TACC2: variants seen among roughly 807,000 people sequenced by gnomAD.
The protein encoded by TACC2 is transforming acidic coiled-coil-containing protein 2.
TACC2 carries 137 observed loss-of-function variants against 227.3 expected under a neutral mutation model. The ratio of observed to expected loss-of-function variants is 0.60; its 90% confidence interval spans 0.52 to 0.69. The LOEUF is 0.69. Ranked by LOEUF, TACC2 falls within the 30% of genes least tolerant of loss-of-function variation. The pLI is 0.00. For synonymous variants in TACC2, 1,523 were observed against 1,487.5 expected, an observed-to-expected ratio of 1.02 and a Z score of -0.55; for missense variants, 3,470 against 3,694.4, an observed-to-expected ratio of 0.94 and a Z score of 1.57.
chr10:122,018,277 C>T (rs1230825837), intron 1 of TACC2, among the ~76,000 whole-genome samples: 1 of 152,150 alleles, frequency 6.6e-6, no homozygotes, highest in African/African-American at 2.4e-5. Context: ...CCAGCTTCAT[C>T]CATGTCCCTG....
intron 8 of TACC2, among the ~76,000 whole-genome samples, chr10:122,195,530 T>G (rs1444973664): frequency 2.0e-5 from 3 of 152,154 alleles, no homozygotes; most frequent in African/African-American, 4.8e-5. Flanking sequence ...CATGTGTATT[T>G]CCAGCACTAG....
At chr10:122,163,470 G>T (rs893061647) in intron 7 of TACC2, 1 of 692,962 alleles carries the variant, frequency 1.4e-6, no homozygotes, top group Non-Finnish European at 1.8e-6. Context: ...CAGAGGGAGG[G>T]TCTTCGCCTC....
rs561422379 is a variant in TACC2 at position 122,134,320 on chromosome 10, C to T, written c.5699+1586C>T. Among the ~76,000 whole-genome samples the T allele has an allele frequency of 1.7e-3, 260 of 151,916 alleles. 1 individual carries two copies. The highest frequency in any genetic ancestry group is 2.7e-3 in the Non-Finnish European group (185 of 67,948). ...CCGAGAAGCTGGAATTACAGGCGTG[C>T]GCCACCATGCCCACCTAATTTTCTT... On this transcript the variant is annotated intron_variant, in intron 6 of 22. Coordinates refer to ENST00000369005, the MANE Select transcript of TACC2 (RefSeq NM_206862.4).
chr10:122,090,456 A>T (rs1382899471), intron 5 of TACC2, among the ~76,000 whole-genome samples: 4 of 148,398 alleles, frequency 2.7e-5, no homozygotes, highest in African/African-American at 9.8e-5. Flanking sequence ...CTGAGGCAGG[A>T]GAATGGCGTG....
intron 16 of TACC2, among the ~76,000 whole-genome samples, chr10:122,232,714 G>A (rs369712419): frequency 6.6e-6 from 1 of 152,202 alleles, no homozygotes; most frequent in South Asian, 2.1e-4. Flanking sequence ...TACCCAGCCC[G>A]AGGGTGGTCC....
chr10:122,109,515 A>G (rs1177846953), intron 5 of TACC2, among the ~76,000 whole-genome samples: 1 of 152,116 alleles, frequency 6.6e-6, no homozygotes. Context: ...GTTGTCTCCT[A>G]TTGATATTTT....
At chr10:122,226,761 A>T (rs1410593229) in intron 13 of TACC2, among the ~76,000 whole-genome samples, 1 of 152,146 alleles carries the variant, frequency 6.6e-6, no homozygotes, top group Non-Finnish European at 1.5e-5. Flanking sequence ...AGTCTCTCTG[A>T]ATGTCCACAG....
intron 7 of TACC2, among the ~76,000 whole-genome samples, chr10:122,190,365 T>C (rs752351584): frequency 1.5e-4 from 23 of 152,190 alleles, no homozygotes; most frequent in South Asian, 2.1e-4. Flanking sequence ...TAATTCAGCA[T>C]TGTGTGGAGC....
chr10:122,229,841 A>T (rs558677227), intron 15 of TACC2, among the ~76,000 whole-genome samples: 2 of 152,316 alleles, frequency 1.3e-5, no homozygotes, highest in African/African-American at 4.8e-5. Flanking sequence ...ATACGTGGCT[A>T]TCTCAGACTC....
chr10:122,055,778 G>T (rs1357838977), intron 3 of TACC2, among the ~76,000 whole-genome samples: 1 of 152,228 alleles, frequency 6.6e-6, no homozygotes, highest in Non-Finnish European at 1.5e-5. Flanking sequence ...GGGAATTTTG[G>T]TATTACGATG....
intron 9 of TACC2, among the ~76,000 whole-genome samples, chr10:122,214,236 G>A (rs1336253778): frequency 1.3e-5 from 2 of 152,116 alleles, no homozygotes; most frequent in Non-Finnish European, 2.9e-5. Context: ...GAGCCACTTA[G>A]CAACTATAAA....
chr10:122,152,634 G>C (rs78406737), intron 7 of TACC2, among the ~76,000 whole-genome samples: 2,160 of 152,296 alleles, frequency 0.014, 55 homozygotes, highest in African/African-American at 0.048. Context: ...CCAAGAGGAG[G>C]CAGCTTGTCC....
intron 3 of TACC2, chr10:122,052,486 C>T (rs1392482256): frequency 6.6e-6 from 1 of 152,106 alleles, no homozygotes; most frequent in African/African-American, 2.4e-5. Context: ...AGATCCAGAC[C>T]ACCCTGGCCA....
chr10:122,222,325 A>AT (rs975252128), intron 11 of TACC2, among the ~76,000 whole-genome samples: 18 of 152,034 alleles, frequency 1.2e-4, no homozygotes, highest in African/African-American at 3.9e-4. Flanking sequence ...GGAAGTATTT[A>AT]TTTTTTTTAC....
intron 7 of TACC2, among the ~76,000 whole-genome samples, chr10:122,170,602 A>G (rs1369647774): frequency 6.6e-6 from 1 of 152,176 alleles, no homozygotes; most frequent in Non-Finnish European, 1.5e-5. Flanking sequence ...GTGCCTGACC[A>G]TGATAATCAA....
intron 11 of TACC2, among the ~76,000 whole-genome samples, chr10:122,223,815 G>A (rs1165966430): frequency 6.6e-6 from 1 of 152,142 alleles, no homozygotes; most frequent in Non-Finnish European, 1.5e-5. Flanking sequence ...TTTCACAGTG[G>A]GTTTCTGAGC....
In TACC2 at chr10:122,014,383, G is replaced by A. The variant is rs187456438; in HGVS notation, c.-45-7554G>A. ...TGCCACCATGCCCAGCTAATTTTTT[G>A]TATTTTTAGTAGAGATGGCATTTCA... On this transcript the variant is annotated intron_variant, in intron 1 of 22. Transcript: ENST00000369005. Among the ~76,000 whole-genome samples the A allele has an allele frequency of 3.9e-3, 600 of 152,110 alleles. 3 individuals carry two copies. Among genetic ancestry groups the A allele is most frequent in the Non-Finnish European group, 6.7e-3 (458 of 67,972 alleles).
chr10:122,050,498 A>G lies in TACC2; in HGVS notation c.94A>G (p.Lys32Glu), dbSNP rs759087516. The change falls in exon 3 of 23, where the codon AAA becomes GAA. Residue 32 changes from lysine to glutamate, a missense_variant. Coordinates refer to ENST00000369005, the MANE Select transcript of TACC2 (RefSeq NM_206862.4). This position sits in a 1 kb window ranked among gnomAD's most constrained non-coding sequence, Gnocchi z 4.6. ...AQPPGNSQNIKRKQQDTPGSP... is the reference protein window; with the variant it reads ...AQPPGNSQNIERKQQDTPGSP... ...GCCACCCGGGAACAGTCAGAATATA[A>G]AAAGGAAGCAGCAGGACACGCCCGG... 1 of 1,614,130 alleles carries G rather than the reference A, an allele frequency of 6.2e-7. No homozygotes were observed. Among genetic ancestry groups the G allele is most frequent in the South Asian group, 1.1e-5 (1 of 91,074 alleles).
chr10:122,215,263 T>G (rs1247380470), intron 9 of TACC2, 128 bp from the exon 10 acceptor site: 4 of 779,756 alleles, frequency 5.1e-6, no homozygotes, highest in Non-Finnish European at 9.1e-6. Flanking sequence ...GGTGCTGGAG[T>G]GACAGAGGTG....
Sources: allele counts gnomAD v4.1 joint callset (sites outside exome capture counted in the v4.1 genomes callset), GRCh38; gene constraint gnomAD v4.1.1; non-coding constraint Gnocchi (gnomAD v3.1); transcripts MANE v1.5; gene names NCBI Gene and HGNC (gene_info 2026-07-23, HGNC 2026-07-21).